The following ROS1 variants were observed in gnomAD, a reference collection of about 807,000 sequenced individuals.
The protein encoded by ROS1 is proto-oncogene tyrosine-protein kinase ROS.
ROS1 carries 263 observed loss-of-function variants against 273.5 expected under a neutral mutation model. The ratio of observed to expected loss-of-function variants is 0.96; its 90% CI spans 0.87 to 1.06. The LOEUF (loss-of-function observed/expected upper bound fraction) is 1.06. Ranked by LOEUF, ROS1 falls within the 50% of genes least tolerant of loss-of-function variation. The pLI is 0.00. For missense variants in ROS1, 2,833 were observed against 2,751.1 expected, an observed-to-expected ratio of 1.03 and a Z score of -0.67; for synonymous variants, 1,008 against 954.1, an observed-to-expected ratio of 1.06 and a Z score of -1.04.
chr6:117,392,726 A>G (rs2128709730), intron 12 of ROS1, among the ~76,000 whole-genome samples: 1 of 152,320 alleles, frequency 6.6e-6, no homozygotes, highest in East Asian at 1.9e-4. Flanking sequence ...TAGGAGGCAG[A>G]GTTATCAATC....
chr6:117,321,470 A>C (rs2128563992), intron 35 of ROS1, 76 bp from the exon 36 acceptor site: 1 of 1,306,900 alleles, frequency 7.7e-7, no homozygotes, highest in Non-Finnish European at 1.1e-6. Flanking sequence ...TTAACAGTGC[A>C]TTTGAAGTGT....
At chr6:117,293,110 G>A (rs922533049) in intron 43 of ROS1, among the ~76,000 whole-genome samples, 1 of 152,032 alleles carries the variant, frequency 6.6e-6, no homozygotes, top group African/African-American at 2.4e-5. Flanking sequence ...CTTCTAAGTA[G>A]GTCTCAGCTT....
chr6:117,397,154 G>A (rs1387596145), intron 7 of ROS1, 38 bp from the exon 8 acceptor site: 1 of 1,313,382 alleles, frequency 7.6e-7, no homozygotes, highest in Non-Finnish European at 1.1e-6. Context: ...GCAGAAAAAT[G>A]TGCAAGCATG....
chr6:117,318,286 T>C (rs1016547185), intron 37 of ROS1, 34 bp from the exon 38 acceptor site: 1 of 1,519,804 alleles, frequency 6.6e-7, no homozygotes. Context: ...GGAATCAGTA[T>C]AGCAGACATT....
In ROS1 at chr6:117,358,754, G is replaced by A. The variant is rs187372377; in HGVS notation, c.3634-745C>T. On this transcript the variant is annotated intron_variant, in intron 24 of 43. Transcript: ENST00000368507. ...GGATTACAGGTGTGAATCACTGTGT[G>A]CAGCTTGAACTAGTCCCATTTTAAA... 2.0e-4 allele frequency among the ~76,000 whole-genome samples: 31 copies of A among 152,120 alleles called. No individual in the cohort carries two copies. In the East Asian group the frequency reaches 3.3e-3, roughly 16 times the overall value.
chr6:117,320,065 CCACATATATA>C (rs1776184603), intron 36 of ROS1, 35 bp from the exon 37 acceptor site: 2 of 1,584,434 alleles, frequency 1.3e-6, no homozygotes, highest in African/African-American at 2.7e-5. Flanking sequence ...TCCCCACCCT[CCACATATATA>C]GGGTGTACAA....
chr6:117,296,244 T>TA (rs1434898175), intron 43 of ROS1, among the ~76,000 whole-genome samples: 1 of 150,956 alleles, frequency 6.6e-6, no homozygotes, highest in Non-Finnish European at 1.5e-5. Context: ...CTAAAAAAAA[T>TA]ACAAAAATTA....
intron 12 of ROS1, among the ~76,000 whole-genome samples, chr6:117,392,254 T>C (rs1359692644): frequency 6.6e-6 from 1 of 152,204 alleles, no homozygotes; most frequent in African/African-American, 2.4e-5. Flanking sequence ...TAGTAAATTG[T>C]GAATGAATAG....
rs527876422 is a variant in ROS1 at position 117,307,354 on chromosome 6, C to T, written c.6551+1440G>A. ...TGGCATAAGCCAGATAACATTCTAA[C>T]AGCACAAGGAAAATTTTGTGCAACT... is the stretch of plus-strand genomic sequence containing the variant. On this transcript the variant is annotated intron_variant, in intron 42 of 43. Transcript: ENST00000368507. Among the ~76,000 whole-genome samples, 22 of 152,252 alleles carry T rather than the reference C, an allele frequency of 1.4e-4. 1 individual carries two copies. The highest frequency in any genetic ancestry group is 5.1e-4 in the African/African-American group (21 of 41,556).
chr6:117,337,560 G>C (rs533442266), intron 31 of ROS1, among the ~76,000 whole-genome samples: 1 of 152,194 alleles, frequency 6.6e-6, no homozygotes, highest in East Asian at 1.9e-4. Context: ...GTTCATGGGA[G>C]AAGCTCAAAG....
intron 16 of ROS1, among the ~76,000 whole-genome samples, chr6:117,384,502 A>G (rs1297947254): frequency 2.0e-5 from 3 of 152,198 alleles, no homozygotes; most frequent in Admixed American, 6.5e-5. Context: ...AAGGATTTCA[A>G]CGCATTGGTA....
chr6:117,341,964 T>C (rs1777967062), intron 29 of ROS1, among the ~76,000 whole-genome samples: 1 of 152,130 alleles, frequency 6.6e-6, no homozygotes, highest in African/African-American at 2.4e-5. Flanking sequence ...CCTCATCAGC[T>C]CTTAGAAAAC....
chr6:117,388,816 A>G (rs1772809995), intron 13 of ROS1, among the ~76,000 whole-genome samples: 1 of 152,212 alleles, frequency 6.6e-6, no homozygotes, highest in Non-Finnish European at 1.5e-5. Flanking sequence ...GATATAATAA[A>G]TATTCCCCAT....
intron 18 of ROS1, among the ~76,000 whole-genome samples, chr6:117,372,883 T>C (rs189660686): frequency 5.9e-5 from 9 of 152,368 alleles, no homozygotes; most frequent in Admixed American, 5.9e-4. Flanking sequence ...CCTGCTTTTA[T>C]TCCCTTATCT....
rs535590181 is a variant in ROS1 at position 117,310,395 on chromosome 6, A to G, written c.6216-114T>C. The stretch of plus-strand genomic sequence containing the variant: ...AAGAGAAACTATTTTTTTTTTTTTT[A>G]CTTTAAGTTCTGGATTACATGTGCT... On this transcript the variant is annotated intron_variant, in intron 40 of 43. Transcript: ENST00000368507. The G allele has an allele frequency of 4.3e-3, 2,630 of 617,596 alleles. 12 individuals carry two copies. Among genetic ancestry groups the G allele is most frequent in the Non-Finnish European group, 5.5e-3 (2,139 of 385,486 alleles). The allele number at this position is 617,596 out of a possible 1,614,324, so 38.3% of individuals were successfully genotyped here.
rs760792633 is a variant in ROS1 at position 117,308,819 on chromosome 6, G to T, written c.6526C>A (p.Pro2176Thr). The change falls in exon 42 of 44, where the codon CCA (proline) becomes ACA (threonine). Residue 2176 changes from proline (P) to threonine (T), a missense_variant. Transcript: ENST00000368507. ...NYVQTGGRLE[P>T]PRNCPDDLWN... ...AGATCATCAGGACAATTTCTTGGTG[G>T]CTCCAGTCTCCCTCCTGTTTGCACA... 1.2e-6 allele frequency: 2 copies of T among 1,612,812 alleles called. No individual in the cohort carries two copies. Among genetic ancestry groups the T allele is most frequent in the African/African-American group, 1.3e-5 (1 of 74,822 alleles).
chr6:117,415,688 A>G (rs1775282440), intron 3 of ROS1, among the ~76,000 whole-genome samples: 1 of 152,220 alleles, frequency 6.6e-6, no homozygotes, highest in Non-Finnish European at 1.5e-5. Context: ...GTATCTGGGG[A>G]TGTATTTCCT....
intron 23 of ROS1, 40 bp downstream of exon 23, chr6:117,360,302 C>T (rs1779691983): frequency 2.4e-6 from 2 of 823,808 alleles, no homozygotes; most frequent in Non-Finnish European, 1.7e-6. Flanking sequence ...ACACACACGC[C>T]TCTAAATTAT....
intron 25 of ROS1, among the ~76,000 whole-genome samples, chr6:117,357,498 A>T (rs1360440062): frequency 2.0e-5 from 3 of 152,222 alleles, no homozygotes; most frequent in African/African-American, 7.2e-5. Context: ...CCACTGTCTC[A>T]ATCCACTTCT....
Sources: allele counts gnomAD v4.1 joint callset (sites outside exome capture counted in the v4.1 genomes callset), GRCh38; gene constraint gnomAD v4.1.1; transcripts MANE v1.5; gene names NCBI Gene and HGNC (gene_info 2026-07-23, HGNC 2026-07-21).